Variants in SP4 observed in about 807,000 individuals in gnomAD.
SP4 encodes the protein transcription factor Sp4.
SP4 carries 19 observed loss-of-function variants against 72.8 expected under a neutral mutation model. That is an observed-to-expected ratio of 0.26 (90% CI 0.18 to 0.38). SP4 has a LOEUF of 0.38. Among genes scored for constraint, SP4 ranks in the 10% least tolerant of loss-of-function variants. The probability of loss-of-function intolerance (pLI) is 1.00; values close to 1 mark genes in which losing one functional copy is unlikely to be tolerated. For missense variants in SP4, 1,008 were observed against 926.3 expected (o/e 1.09, Z -1.14); for synonymous variants, 395 against 333.1 (o/e 1.19, Z -2.02).
rs1465828868 is a variant in SP4 at position 21,428,708 on chromosome 7, A to C, written c.39A>C (p.Ala13=). 1 of 1,554,602 alleles carries C rather than the reference A, an allele frequency of 6.4e-7. No homozygotes were observed. The highest frequency in any genetic ancestry group is 2.4e-5 in the East Asian group (1 of 41,076). Residue 13 remains alanine (A), a synonymous_variant, in exon 2 of 6, where the codon GCA becomes GCC. Coordinates refer to ENST00000222584, the MANE Select transcript of SP4 (RefSeq NM_003112.5). ...DQKKEEEEEA[A]AAAAMATEGG... ...AGAAGGAGGAGGAGGAGGAGGCGGC[A>C]GCGGCAGCGGCGATGGCTACAGAAG...
intron 3 of SP4, among the ~76,000 whole-genome samples, chr7:21,476,373 A>G (rs1461559219): frequency 6.6e-6 from 1 of 150,824 alleles, no homozygotes; most frequent in Non-Finnish European, 1.5e-5. Context: ...TATTTATTAT[A>G]TTTTTCCCAA....
chr7:21,464,179 C>T (rs554986656), intron 3 of SP4, among the ~76,000 whole-genome samples: 54 of 142,214 alleles, frequency 3.8e-4, no homozygotes, highest in African/African-American at 1.4e-3. Flanking sequence ...GGCTGGAGTG[C>T]ATGGCCTCCC....
chr7:21,509,578 A>G (rs913263985), intron 5 of SP4, among the ~76,000 whole-genome samples: 1 of 152,098 alleles, frequency 6.6e-6, no homozygotes, highest in Non-Finnish European at 1.5e-5. Context: ...GTTTAATACA[A>G]TATTGTATTG....
At chr7:21,448,431 A>G (rs926226903) in intron 3 of SP4, among the ~76,000 whole-genome samples, 5 of 152,178 alleles carry the variant, frequency 3.3e-5, no homozygotes, top group African/African-American at 9.7e-5. Context: ...AGGAATAGCT[A>G]TTTGTTTCTA....
intron 3 of SP4, among the ~76,000 whole-genome samples, chr7:21,457,076 A>G (rs1171674778): frequency 1.3e-5 from 2 of 152,230 alleles, no homozygotes; most frequent in Non-Finnish European, 1.5e-5. Context: ...TCTGAGTCAC[A>G]TGTCACCAAA....
chr7:21,456,615 C>T (rs1355289210), intron 3 of SP4, among the ~76,000 whole-genome samples: 1 of 152,198 alleles, frequency 6.6e-6, no homozygotes, highest in African/African-American at 2.4e-5. Context: ...GCCCCTGAGG[C>T]AGGCAGTCTG....
intron 3 of SP4, among the ~76,000 whole-genome samples, chr7:21,440,988 A>T (rs1271502129): frequency 6.6e-6 from 1 of 152,210 alleles, no homozygotes; most frequent in African/African-American, 2.4e-5. Context: ...ACCTGTCTTA[A>T]AATGATGCTT....
At chr7:21,432,467 T>C (rs1432156536) in intron 3 of SP4, among the ~76,000 whole-genome samples, 3 of 152,256 alleles carry the variant, frequency 2.0e-5, no homozygotes, top group Non-Finnish European at 2.9e-5. Context: ...AATTAACTTA[T>C]AATTTAGGTT....
intron 5 of SP4, among the ~76,000 whole-genome samples, chr7:21,509,736 A>G (rs954816952): frequency 4.6e-5 from 7 of 152,222 alleles, no homozygotes; most frequent in South Asian, 2.1e-4. Context: ...ACGTGGACCA[A>G]CTTGAGCCTA....
chr7:21,492,133 A>T (rs575454729), intron 5 of SP4, among the ~76,000 whole-genome samples: 17 of 152,178 alleles, frequency 1.1e-4, no homozygotes, highest in Non-Finnish European at 2.2e-4. Context: ...ACATATGGCC[A>T]ATATAACAGA....
At chr7:21,505,379 G>A (rs1024838414) in intron 5 of SP4, among the ~76,000 whole-genome samples, 1 of 152,076 alleles carries the variant, frequency 6.6e-6, no homozygotes, top group Admixed American at 6.5e-5. Context: ...TGATACCTCG[G>A]TCCTCCTCTC....
chr7:21,442,038 A>ATT (rs11300598), intron 3 of SP4, among the ~76,000 whole-genome samples: 2 of 93,328 alleles, frequency 2.1e-5, no homozygotes, highest in South Asian at 3.9e-4. Context: ...GTGTGTGTGT[A>ATT]TTTTTTTTTT....
chr7:21,448,057 G>A (rs1783481481), intron 3 of SP4, among the ~76,000 whole-genome samples: 2 of 152,120 alleles, frequency 1.3e-5, no homozygotes, highest in African/African-American at 2.4e-5. Flanking sequence ...GACCCCCCGT[G>A]AAGAATTTTT....
rs61610252 is a variant in SP4 at position 21,430,215 on chromosome 7, A to G, written c.1050A>G (p.Thr350=). 891 of 1,614,218 alleles carry G rather than the reference A, an allele frequency of 5.5e-4. 2 individuals are homozygous for G. In the African/African-American group the frequency reaches 0.01, roughly 19 times the overall value. The change falls in exon 3 of 6, where the codon ACA becomes ACG. Residue 350 remains threonine, a synonymous_variant. Transcript: ENST00000222584. ...CAGATACTGGCCAGTATGCAAGCAC[A>G]TCAGCCAGTAGTTCTGAACGCACCA... is the stretch of plus-strand genomic sequence containing the variant. ...SSADTGQYAS[T]SASSSERTIE...
intron 3 of SP4, among the ~76,000 whole-genome samples, chr7:21,446,637 G>C (rs907219917): frequency 6.6e-6 from 1 of 152,120 alleles, no homozygotes; most frequent in Non-Finnish European, 1.5e-5. Flanking sequence ...CTTTCATTTA[G>C]TGTTAGAATT....
intron 3 of SP4, among the ~76,000 whole-genome samples, chr7:21,452,339 A>T (rs544176257): frequency 6.6e-6 from 1 of 152,236 alleles, no homozygotes; most frequent in Non-Finnish European, 1.5e-5. Context: ...TTCCATAAGG[A>T]GTCTCAGATA....
intron 2 of SP4, chr7:21,429,024 C>A: frequency 5.3e-6 from 3 of 571,134 alleles, no homozygotes; most frequent in South Asian, 2.5e-5. Context: ...TGTGTGTTCC[C>A]AAGGGCATTT....
intron 3 of SP4, among the ~76,000 whole-genome samples, chr7:21,448,261 A>G (rs1350950786): frequency 6.8e-6 from 1 of 145,986 alleles, no homozygotes; most frequent in Non-Finnish European, 1.5e-5. Flanking sequence ...ACTATTATAC[A>G]GAAATTTTTT....
At chr7:21,449,789 C>G (rs1469665945) in intron 3 of SP4, among the ~76,000 whole-genome samples, 2 of 152,096 alleles carry the variant, frequency 1.3e-5, no homozygotes, top group Non-Finnish European at 2.9e-5. Context: ...TAACCTAGGT[C>G]TGATTCCTTC....
Sources: gnomAD v4.1 joint callset for allele counts (sites outside exome capture counted in the v4.1 genomes callset) on GRCh38, gnomAD v4.1.1 for gene constraint, MANE v1.5 for transcripts, NCBI Gene and HGNC (gene_info 2026-07-23, HGNC 2026-07-21) for gene names.